Variants in SCYL3 observed in about 807,000 individuals in gnomAD.
SCYL3 encodes the protein SCY1 like pseudokinase 3, also known as protein-associating with the carboxyl-terminal domain of ezrin.
A neutral mutation model predicts 73.8 loss-of-function variants in SCYL3; 35 were observed. The observed-to-expected ratio is 0.47, with a 90% CI of 0.36 to 0.63. The LOEUF is 0.63. Among genes scored for constraint, SCYL3 ranks in the 20% least tolerant of loss-of-function variants. The pLI, the probability that SCYL3 is intolerant of heterozygous loss-of-function variation, is 0.00. For missense variants in SCYL3, 712 were observed against 798.9 expected (o/e 0.89, Z 1.31); for synonymous variants, 277 against 295.2 (o/e 0.94, Z 0.63).
chr1:169,864,641 G>T, intron 8 of SCYL3, 133 bp from the exon 9 acceptor site: 1 of 924,944 alleles, frequency 1.1e-6, no homozygotes, highest in Non-Finnish European at 1.6e-6. Context: ...TAGAGAAGGT[G>T]AACAGATTGG....
chr1:169,882,253 G>A (rs1223023015), intron 2 of SCYL3, among the ~76,000 whole-genome samples: 1 of 152,228 alleles, frequency 6.6e-6, no homozygotes, highest in African/African-American at 2.4e-5. Context: ...TTAGCACCTG[G>A]GACAGTGGCT....
chr1:169,858,779 G>A (rs937232263), intron 11 of SCYL3, among the ~76,000 whole-genome samples: 14 of 151,394 alleles, frequency 9.2e-5, no homozygotes, highest in Admixed American at 7.2e-4. Flanking sequence ...GAGGTCCTTC[G>A]TTAACCAAAA....
chr1:169,867,452 G>A (rs1660110017), intron 7 of SCYL3, among the ~76,000 whole-genome samples: 1 of 152,202 alleles, frequency 6.6e-6, no homozygotes, highest in Non-Finnish European at 1.5e-5. Flanking sequence ...GCAGGGATTA[G>A]TGTGAGAGGA....
chr1:169,850,482 T>A lies in SCYL3; in HGVS notation c.*3231A>T. 1 of 605,504 alleles carries A rather than the reference T, an allele frequency of 1.7e-6. No homozygotes were observed. Among genetic ancestry groups the A allele is most frequent in the Non-Finnish European group, 2.9e-6 (1 of 343,732 alleles). The allele number at this position is 605,504 out of a possible 1,614,324, so 37.5% of individuals were successfully genotyped here. ...TGAGCACAGTGCTGACGACTTTTAC[T>A]AAGCAATTGAGGCCACAGAAGTAAA... On this transcript the variant is annotated 3_prime_UTR_variant, in exon 13 of 13. Coordinates refer to ENST00000367771, the MANE Select transcript of SCYL3 (RefSeq NM_020423.7).
chr1:169,856,417 T>TG (rs1176400749), intron 11 of SCYL3, among the ~76,000 whole-genome samples: 1 of 152,184 alleles, frequency 6.6e-6, no homozygotes, highest in Non-Finnish European at 1.5e-5. Context: ...AACCCCCAAC[T>TG]GGGGAAAAAA....
In SCYL3 at chr1:169,850,329, T is replaced by C; in HGVS notation, c.*3384A>G. On this transcript the variant is annotated 3_prime_UTR_variant, in exon 13 of 13. Transcript: ENST00000367771. ...TCTGAAGAAACTAAGAACAAAGTTG[T>C]ATCCTTTCTGGAGAAGGTACTTTCT... 2 of 1,607,942 alleles carry C rather than the reference T, an allele frequency of 1.2e-6. No homozygotes were observed. Among genetic ancestry groups the C allele is most frequent in the Middle Eastern group, 1.7e-4 (1 of 6,040 alleles).
intron 4 of SCYL3, among the ~76,000 whole-genome samples, chr1:169,874,786 G>C (rs1203790584): frequency 6.6e-6 from 1 of 152,156 alleles, no homozygotes; most frequent in African/African-American, 2.4e-5. Context: ...AATTAACCAG[G>C]TGTGGTGGTG....
chr1:169,869,081 T>A, intron 6 of SCYL3, 42 bp from the exon 7 acceptor site: 6 of 1,503,406 alleles, frequency 4.0e-6, no homozygotes, highest in Non-Finnish European at 5.5e-6. Context: ...GCCTTCTCCC[T>A]CTTTTCAGGA....
chr1:169,855,026 A>AAGGAT, intron 11 of SCYL3, 62 bp from the exon 12 acceptor site: 1 of 1,219,554 alleles, frequency 8.2e-7, no homozygotes, highest in Admixed American at 2.3e-5. Context: ...CACTTATGGG[A>AAGGAT]AGGATAGCAT....
rs997118147 is a variant in SCYL3, at chr1:169,892,681, C to T, written c.-51+1107G>A. Among the ~76,000 whole-genome samples, 36 of 152,300 alleles carry T rather than the reference C, an allele frequency of 2.4e-4. 1 individual carries two copies. Among genetic ancestry groups the T allele is most frequent in the Admixed American group, 2.3e-3 (35 of 15,308 alleles). On this transcript the variant is annotated intron_variant, in intron 1 of 12. Transcript: ENST00000367771. ...GTCTCTGACTTGAATATGCATCAGT[C>T]TTCCCTTTAATAATCTCCCTCCACT...
intron 2 of SCYL3, among the ~76,000 whole-genome samples, chr1:169,881,262 G>C (rs753109150): frequency 1.3e-5 from 2 of 152,108 alleles, no homozygotes; most frequent in African/African-American, 4.8e-5. Flanking sequence ...AACCACAGTA[G>C]ACTATTTTTT....
intron 2 of SCYL3, among the ~76,000 whole-genome samples, chr1:169,883,416 C>T (rs1017003092): frequency 3.3e-5 from 5 of 152,188 alleles, no homozygotes; most frequent in Non-Finnish European, 7.3e-5. Context: ...TAGGTCCTAA[C>T]ATGATATTAA....
chr1:169,871,654 T>C (rs933917407), intron 5 of SCYL3, among the ~76,000 whole-genome samples: 1 of 152,106 alleles, frequency 6.6e-6, no homozygotes, highest in African/African-American at 2.4e-5. Flanking sequence ...GTGGGAAAGT[T>C]TGGAATTTCC....
At chr1:169,887,762 A>G (rs1260913054) in intron 2 of SCYL3, among the ~76,000 whole-genome samples, 1 of 152,192 alleles carries the variant, frequency 6.6e-6, no homozygotes, top group African/African-American at 2.4e-5. Flanking sequence ...TAACAATTTC[A>G]TGCTTGATCA....
chr1:169,854,174 A>G lies in SCYL3; in HGVS notation c.2007+96T>C. 4.4e-6 allele frequency: 4 copies of G among 903,060 alleles called. No homozygotes were observed. In the South Asian group the frequency reaches 5.6e-5, roughly 13 times the overall value. The allele number at this position is 903,060 out of a possible 1,614,324, so 55.9% of individuals were successfully genotyped here. ...TTTTGTGCTTGACTTGACTAGGAAA[A>G]TAGCATGTTGCTTGTTATAAATGGG... On this transcript the variant is annotated intron_variant, in intron 12 of 12. Transcript: ENST00000367771.
At chr1:169,864,274 T>C in intron 9 of SCYL3, 95 bp downstream of exon 9, 1 of 1,509,658 alleles carries the variant, frequency 6.6e-7, no homozygotes, top group Non-Finnish European at 9.1e-7. Context: ...GAACCAAACA[T>C]TAACTACACC....
intron 11 of SCYL3, chr1:169,855,772 G>A: frequency 6.3e-7 from 1 of 1,599,692 alleles, no homozygotes; most frequent in East Asian, 2.2e-5. Context: ...CAATGGAAAA[G>A]CTATATAAAT....
intron 2 of SCYL3, among the ~76,000 whole-genome samples, chr1:169,888,187 A>G (rs1321578033): frequency 6.6e-6 from 1 of 152,152 alleles, no homozygotes; most frequent in East Asian, 1.9e-4. Context: ...ATTTTTTCTG[A>G]TAAGAGGCCA....
intron 1 of SCYL3, among the ~76,000 whole-genome samples, chr1:169,892,596 C>T (rs1236776096): frequency 6.6e-6 from 1 of 152,122 alleles, no homozygotes; most frequent in Non-Finnish European, 1.5e-5. Context: ...CCTAGTATCC[C>T]GTAATAGGTA....
Sources: gnomAD v4.1 joint callset for allele counts (sites outside exome capture counted in the v4.1 genomes callset) on GRCh38, gnomAD v4.1.1 for gene constraint, MANE v1.5 for transcripts, NCBI Gene and HGNC (gene_info 2026-07-23, HGNC 2026-07-21) for gene names.